ATF6: variants seen among roughly 807,000 people sequenced by gnomAD.
ATF6 encodes the protein activating transcription factor 6.
ATF6 carries 53 observed loss-of-function variants against 83.6 expected under a neutral mutation model. The ratio of observed to expected loss-of-function variants is 0.63; its 90% CI spans 0.51 to 0.80. The LOEUF is 0.80. Ranked by LOEUF, ATF6 falls within the 30% of genes least tolerant of loss-of-function variation. The pLI is 0.00. For missense variants in ATF6, 744 were observed against 797.9 expected, an observed-to-expected ratio of 0.93 and a Z score of 0.81; for synonymous variants, 288 against 285.8, an observed-to-expected ratio of 1.01 and a Z score of -0.08.
intron 14 of ATF6, among the ~76,000 whole-genome samples, chr1:161,870,943 T>C (rs1249208629): frequency 6.6e-6 from 1 of 151,808 alleles, no homozygotes; most frequent in African/African-American, 2.4e-5. Flanking sequence ...GTGTTTTTCA[T>C]ATGCATTTGT....
intron 4 of ATF6, among the ~76,000 whole-genome samples, chr1:161,790,953 A>T (rs1405903801): frequency 6.6e-6 from 1 of 152,198 alleles, no homozygotes; most frequent in Admixed American, 6.5e-5. Context: ...TTTGCTTTTG[A>T]TATTCTTTTA....
chr1:161,790,529 G>T (rs924692948), intron 4 of ATF6, among the ~76,000 whole-genome samples: 3 of 152,098 alleles, frequency 2.0e-5, no homozygotes, highest in African/African-American at 7.2e-5. Context: ...AGCACTGTTG[G>T]CTGGGTGGGG....
At chr1:161,775,910 A>G (rs895008398) in intron 1 of ATF6, among the ~76,000 whole-genome samples, 3 of 151,726 alleles carry the variant, frequency 2.0e-5, no homozygotes, top group South Asian at 4.2e-4. Context: ...ATATATATAT[A>G]TGTGCATGTG....
intron 14 of ATF6, among the ~76,000 whole-genome samples, chr1:161,897,956 A>G (rs1183898200): frequency 6.6e-6 from 1 of 152,206 alleles, no homozygotes; most frequent in African/African-American, 2.4e-5. Context: ...CTCTGGAACT[A>G]AGATTTCTAA....
chr1:161,924,603 T>G (rs897351936), intron 15 of ATF6, among the ~76,000 whole-genome samples: 91 of 152,242 alleles, frequency 6.0e-4, no homozygotes, highest in African/African-American at 2.1e-3. Context: ...ATGCCTAGCT[T>G]AAATATAATA....
intron 1 of ATF6, among the ~76,000 whole-genome samples, chr1:161,774,881 T>G (rs146319073): frequency 8.6e-4 from 131 of 152,340 alleles, no homozygotes; most frequent in African/African-American, 3.0e-3. Flanking sequence ...GAACAGTTCT[T>G]TAGTCTTTTC....
chr1:161,829,709 A>G (rs4657112), intron 9 of ATF6, among the ~76,000 whole-genome samples: 95,844 of 150,824 alleles, frequency 0.64, 32,998 homozygotes, highest in Middle Eastern at 0.77. Context: ...AAAACCACAT[A>G]ATTATCTCAA....
intron 15 of ATF6, among the ~76,000 whole-genome samples, chr1:161,919,654 C>T (rs1688164351): frequency 6.6e-6 from 1 of 152,020 alleles, no homozygotes; most frequent in Non-Finnish European, 1.5e-5. Flanking sequence ...TTACTGTTTC[C>T]CTTCCCTTCT....
intron 4 of ATF6, among the ~76,000 whole-genome samples, chr1:161,790,254 A>T (rs546582057): frequency 3.3e-5 from 5 of 152,260 alleles, no homozygotes; most frequent in African/African-American, 1.2e-4. Context: ...CAACACCCTG[A>T]GAGTAAACAA....
In ATF6 at chr1:161,821,079, C is replaced by T; in HGVS notation, c.1105C>T (p.Leu369Phe). 1 of 1,609,436 alleles carries T rather than the reference C, an allele frequency of 6.2e-7. No individual in the cohort carries two copies. Among genetic ancestry groups the T allele is most frequent in the South Asian group, 1.1e-5 (1 of 90,228 alleles). Residue 369 changes from leucine (L) to phenylalanine (F), a missense_variant, in exon 9 of 16, where the codon CTT (leucine) becomes TTT (phenylalanine). Transcript: ENST00000367942. The stretch of plus-strand genomic sequence containing the variant: ...TGGTCATTTCCTTTAGAACCAGAGG[C>T]TTAAAGTCCCTAGTCCAAAGCGAAG... The part of the protein sequence containing the change: ...LDEVVSENQR[L>F]KVPSPKRRVV...
intron 14 of ATF6, among the ~76,000 whole-genome samples, chr1:161,880,365 CTT>C (rs1315349365): frequency 2.7e-5 from 4 of 150,940 alleles, no homozygotes. Flanking sequence ...TATGTATATA[CTT>C]ATATAGGTGA....
intron 14 of ATF6, among the ~76,000 whole-genome samples, chr1:161,884,251 AT>A (rs1157291444): frequency 6.6e-6 from 1 of 152,112 alleles, no homozygotes; most frequent in Non-Finnish European, 1.5e-5. Flanking sequence ...AGGAAGGCAT[AT>A]TTTTCATCTA....
At chr1:161,955,180 G>A (rs1457410694) in intron 15 of ATF6, among the ~76,000 whole-genome samples, 1 of 152,080 alleles carries the variant, frequency 6.6e-6, no homozygotes, top group Non-Finnish European at 1.5e-5. Flanking sequence ...TGAAAGTGTG[G>A]GGTCCATCCT....
intron 14 of ATF6, among the ~76,000 whole-genome samples, chr1:161,888,503 C>G (rs16860729): frequency 0.013 from 1,980 of 152,182 alleles, 47 homozygotes; most frequent in African/African-American, 0.044. Context: ...TAATTCACCT[C>G]TTGGGGGAGG....
chr1:161,813,805 C>A (rs1189274781), intron 7 of ATF6, among the ~76,000 whole-genome samples: 1 of 151,836 alleles, frequency 6.6e-6, no homozygotes, highest in Non-Finnish European at 1.5e-5. Flanking sequence ...ATTAAGGACT[C>A]CTAACTTCCA....
intron 10 of ATF6, among the ~76,000 whole-genome samples, 173 bp downstream of exon 10, chr1:161,846,753 T>C (rs915156199): frequency 6.6e-6 from 1 of 152,150 alleles, no homozygotes; most frequent in South Asian, 2.1e-4. Flanking sequence ...AAAATTAAAT[T>C]TACTTTGAAA....
intron 9 of ATF6, among the ~76,000 whole-genome samples, chr1:161,837,770 G>A (rs1297123917): frequency 6.6e-6 from 1 of 152,106 alleles, no homozygotes; most frequent in Non-Finnish European, 1.5e-5. Flanking sequence ...GGTAGTAAAG[G>A]TAGCTAGTTT....
intron 9 of ATF6, among the ~76,000 whole-genome samples, chr1:161,839,603 G>A (rs1571178456): frequency 6.6e-6 from 1 of 152,156 alleles, no homozygotes; most frequent in South Asian, 2.1e-4. Context: ...AAACTGCTGG[G>A]CTGAAGCAGT....
At chr1:161,823,439 A>C (rs1478216716) in intron 9 of ATF6, among the ~76,000 whole-genome samples, 5 of 152,122 alleles carry the variant, frequency 3.3e-5, no homozygotes, top group African/African-American at 1.2e-4. Flanking sequence ...CTTTTGTTGC[A>C]ATCCAAAATT....
Sources: gnomAD v4.1 joint callset for allele counts (sites outside exome capture counted in the v4.1 genomes callset) on GRCh38, gnomAD v4.1.1 for gene constraint, MANE v1.5 for transcripts, NCBI Gene and HGNC (gene_info 2026-07-23, HGNC 2026-07-21) for gene names.